Variants in ZNF362 observed in about 807,000 individuals in gnomAD.
ZNF362 encodes the protein rotund homolog.
A neutral mutation model predicts 42.9 loss-of-function variants in ZNF362; 11 were observed. The observed-to-expected ratio is 0.26, with a 90% CI of 0.16 to 0.42. ZNF362 has a LOEUF of 0.42. Ranked by LOEUF, ZNF362 falls within the 20% of genes least tolerant of loss-of-function variation. The pLI, the probability that ZNF362 is intolerant of heterozygous loss-of-function variation, is 1.00. For synonymous variants in ZNF362, 255 were observed against 257.3 expected, an observed-to-expected ratio of 0.99 and a Z score of 0.09; for missense variants, 362 against 576.2, an observed-to-expected ratio of 0.63 and a Z score of 3.81.
the ZNF362 span, among the ~76,000 whole-genome samples, chr1:33,185,450 G>T: frequency 6.6e-6 from 1 of 152,152 alleles, no homozygotes; most frequent in Non-Finnish European, 1.5e-5. Context: ...TCAAACTCCT[G>T]ACCTCAAGTG....
intron 1 of ZNF362, among the ~76,000 whole-genome samples, chr1:33,269,880 C>T (rs1645889532): frequency 6.6e-6 from 1 of 152,136 alleles, no homozygotes; most frequent in African/African-American, 2.4e-5. Flanking sequence ...GGTGGCAGGG[C>T]CTGGCACCTG....
Position 33,298,956 on chromosome 1 carries a change from C to G in ZNF362, c.1173C>G (p.Ser391=). The G allele has an allele frequency of 6.2e-7, 1 of 1,613,966 alleles. No homozygotes were observed. Among genetic ancestry groups the G allele is most frequent in the Non-Finnish European group, 8.5e-7 (1 of 1,180,014 alleles). The change falls in exon 9 of 9, where the codon TCC becomes TCG. Residue 391 remains serine, a synonymous_variant. Coordinates refer to ENST00000539719, the MANE Select transcript of ZNF362 (RefSeq NM_152493.3). ...TSETYLMKHM[S]KHTVVEHLVS... is the part of the protein sequence containing the mutation. ...AGACCTACCTGATGAAGCACATGTC[C>G]AAACACACGGTGGTGGAGCACCTGG...
At chr1:33,225,997 A>G in the ZNF362 span, among the ~76,000 whole-genome samples, 4 of 152,204 alleles carry the variant, frequency 2.6e-5, no homozygotes, top group Non-Finnish European at 5.9e-5. Flanking sequence ...ATAAATAGGC[A>G]AAGACAATGG....
rs752960107 is a variant in ZNF362 at position 33,280,320 on chromosome 1, C to T, written c.546C>T (p.His182=). The change falls in exon 5 of 9, where the codon CAC becomes CAT. Residue 182 remains histidine (H), a synonymous_variant. Transcript: ENST00000539719. This position sits in a 1 kb window ranked among gnomAD's most constrained non-coding sequence, Gnocchi z 5.6. ...LLDSIKTIQG[H]GLLGPPKSER... is the part of the protein sequence containing the mutation. ...ACTCCATCAAGACAATCCAGGGCCA[C>T]GGCCTGCTTGGCCCCCCCAAGTCCG... The T allele has an allele frequency of 1.1e-5, 18 of 1,613,904 alleles. No homozygotes were observed. Among genetic ancestry groups the T allele is most frequent in the South Asian group, 3.3e-5 (3 of 91,090 alleles).
chr1:33,276,272 G>T, intron 3 of ZNF362, 76 bp from the exon 4 acceptor site: 4 of 1,563,076 alleles, frequency 2.6e-6, no homozygotes, highest in African/African-American at 2.7e-5. Context: ...CGAGGGGCTC[G>T]CGGGTGGACC....
the ZNF362 span, among the ~76,000 whole-genome samples, chr1:33,170,278 C>T: frequency 2.0e-5 from 3 of 151,322 alleles, no homozygotes; most frequent in South Asian, 2.1e-4. Context: ...GAGCCAAGAT[C>T]GTGCCACTGC....
the ZNF362 span, among the ~76,000 whole-genome samples, chr1:33,167,046 C>T: frequency 6.6e-6 from 1 of 152,322 alleles, no homozygotes; most frequent in East Asian, 1.9e-4. The surrounding 1 kb of genome is among the most constrained non-coding windows in gnomAD (Gnocchi z 4.2). Context: ...CCTCCACCAT[C>T]TTGAGCTCGT....
At chr1:33,155,366 C>T in the ZNF362 span, among the ~76,000 whole-genome samples, 6,238 of 152,052 alleles carry the variant, frequency 0.041, 292 homozygotes, top group African/African-American at 0.11. Context: ...CCACCATGCC[C>T]GGCCTCCCCT....
the ZNF362 span, among the ~76,000 whole-genome samples, chr1:33,129,304 A>G: frequency 1.3e-5 from 2 of 152,200 alleles, no homozygotes; most frequent in Non-Finnish European, 1.5e-5. This position sits in a 1 kb window ranked among gnomAD's most constrained non-coding sequence, Gnocchi z 4.1. Flanking sequence ...CTGATTTACA[A>G]CCCAAGACCA....
At chr1:33,213,877 CA>C in the ZNF362 span, among the ~76,000 whole-genome samples, 17 of 149,796 alleles carry the variant, frequency 1.1e-4, no homozygotes, top group African/African-American at 3.9e-4. Context: ...CAAAACAAAA[CA>C]AAAAAAACAA....
At chr1:33,291,580 A>G (rs1050998154) in intron 6 of ZNF362, among the ~76,000 whole-genome samples, 20 of 152,192 alleles carry the variant, frequency 1.3e-4, no homozygotes, top group African/African-American at 4.8e-4. Context: ...ACTTTAAAGT[A>G]GTTTTTTCCA....
chr1:33,270,657 T>G, intron 2 of ZNF362, 45 bp downstream of exon 2: 17 of 1,603,456 alleles, frequency 1.1e-5, no homozygotes, highest in Non-Finnish European at 1.4e-5. Context: ...AATGAGGGTT[T>G]GTTCTTTGGG....
At chr1:33,193,077 G>A in the ZNF362 span, among the ~76,000 whole-genome samples, 1 of 150,942 alleles carries the variant, frequency 6.6e-6, no homozygotes, top group African/African-American at 2.4e-5. Flanking sequence ...GGGTACTGTA[G>A]AAAGAAAAGA....
rs1645791443 is a variant in ZNF362 at position 33,256,501 on chromosome 1, C to G, written c.-242C>G. On this transcript the variant is annotated 5_prime_UTR_variant, in exon 1 of 9. Coordinates refer to ENST00000539719, the MANE Select transcript of ZNF362 (RefSeq NM_152493.3). ...GGCGCTTGCAGAACCCAGAAGTGAA[C>G]AGCAGGCGACCCGGAAGGTTTGCGC... 6.4e-6 allele frequency: 1 copy of G among 155,674 alleles called. No homozygotes were observed. Among genetic ancestry groups the G allele is most frequent in the Non-Finnish European group, 1.4e-5 (1 of 73,882 alleles). 9.6% of individuals were successfully genotyped at this position (155,674 alleles called of 1,614,324 possible). A position where few individuals can be genotyped will look rare whatever the true frequency, so the allele number is the denominator to read the frequency against.
the ZNF362 span, among the ~76,000 whole-genome samples, chr1:33,167,798 G>A: frequency 6.6e-6 from 1 of 152,262 alleles, no homozygotes; most frequent in African/African-American, 2.4e-5. The surrounding 1 kb of genome is among the most constrained non-coding windows in gnomAD (Gnocchi z 4.2). Flanking sequence ...GCAGCAACAT[G>A]GGAAAATATT....
chr1:33,217,139 T>C, the ZNF362 span, among the ~76,000 whole-genome samples: 3 of 152,124 alleles, frequency 2.0e-5, no homozygotes, highest in Non-Finnish European at 4.4e-5. Context: ...GGCTCAGTGC[T>C]AAGGAGGCTA....
At chr1:33,158,214 G>T in the ZNF362 span, 1 of 1,583,722 alleles carries the variant, frequency 6.3e-7, no homozygotes, top group Non-Finnish European at 8.7e-7. Context: ...GCTGGGACAT[G>T]CCCCACCTAG....
chr1:33,193,004 C>CACACACACATATAT, the ZNF362 span, among the ~76,000 whole-genome samples: 2 of 137,198 alleles, frequency 1.5e-5, no homozygotes, highest in Non-Finnish European at 3.2e-5. Context: ...CACACACACA[C>CACACACACATATAT]ATATATATAT....
At chr1:33,242,490 G>A in the ZNF362 span, among the ~76,000 whole-genome samples, 3 of 152,056 alleles carry the variant, frequency 2.0e-5, no homozygotes, top group Non-Finnish European at 4.4e-5. Flanking sequence ...ATAAATATAC[G>A]AAATTATAAT....
Sources: allele counts gnomAD v4.1 joint callset (sites outside exome capture counted in the v4.1 genomes callset), GRCh38; gene constraint gnomAD v4.1.1; non-coding constraint Gnocchi (gnomAD v3.1); transcripts MANE v1.5; gene names NCBI Gene and HGNC (gene_info 2026-07-23, HGNC 2026-07-21).